Variants in KCNAB1 observed in about 807,000 individuals in gnomAD.
The protein encoded by KCNAB1 is potassium voltage-gated channel subfamily A regulatory beta subunit 1.
In KCNAB1, 35 loss-of-function variants were observed where a neutral mutation model predicts 64.6. The ratio of observed to expected loss-of-function variants is 0.54; its 90% CI spans 0.41 to 0.72. The LOEUF (loss-of-function observed/expected upper bound fraction) is 0.72. Among genes scored for constraint, KCNAB1 ranks in the 30% least tolerant of loss-of-function variants. KCNAB1 has a pLI of 0.00. For synonymous variants in KCNAB1, 177 were observed against 183.8 expected, an observed-to-expected ratio of 0.96 and a Z score of 0.30; for missense variants, 401 against 512.9, an observed-to-expected ratio of 0.78 and a Z score of 2.11.
At chr3:156,120,946 A>G (rs2108249785) in intron 1 of KCNAB1, 60 bp downstream of exon 1, 1 of 1,578,372 alleles carries the variant, frequency 6.3e-7, no homozygotes, top group Non-Finnish European at 8.6e-7. Context: ...GCTCTGGAGA[A>G]TGCTTTGATT....
At chr3:156,196,325 G>A (rs80044713) in intron 1 of KCNAB1, among the ~76,000 whole-genome samples, 1 of 152,144 alleles carries the variant, frequency 6.6e-6, no homozygotes, top group Non-Finnish European at 1.5e-5. Context: ...ATTTAAAGTA[G>A]TTTTTTCAAG....
chr3:156,480,708 C>T (rs1714731436), intron 8 of KCNAB1, among the ~76,000 whole-genome samples: 1 of 151,876 alleles, frequency 6.6e-6, no homozygotes, highest in Non-Finnish European at 1.5e-5. Context: ...CAGTTGTGTA[C>T]ACCCTAATTT....
At chr3:156,177,863 G>A (rs979252019) in intron 1 of KCNAB1, among the ~76,000 whole-genome samples, 1 of 151,708 alleles carries the variant, frequency 6.6e-6, no homozygotes, top group Non-Finnish European at 1.5e-5. Context: ...TCAGCCTCCC[G>A]AGTAGCTGGG....
intron 1 of KCNAB1, among the ~76,000 whole-genome samples, chr3:156,216,644 A>C (rs1023593413): frequency 1.3e-5 from 2 of 152,176 alleles, no homozygotes; most frequent in Non-Finnish European, 2.9e-5. Flanking sequence ...CTGGGGGAAG[A>C]TAGGGTGGGA....
intron 8 of KCNAB1, among the ~76,000 whole-genome samples, chr3:156,480,761 G>T (rs1217342398): frequency 1.3e-5 from 2 of 151,956 alleles, no homozygotes; most frequent in Non-Finnish European, 2.9e-5. Flanking sequence ...TTTTAATTAG[G>T]ATCAGCCACA....
intron 1 of KCNAB1, among the ~76,000 whole-genome samples, chr3:156,329,357 G>T (rs13317606): frequency 0.11 from 16,535 of 152,104 alleles, 2,865 homozygotes; most frequent in African/African-American, 0.37. Context: ...GGGCAGGGGT[G>T]GGGGAGCAGG....
upstream of KCNAB1, among the ~76,000 whole-genome samples, chr3:156,119,760 T>G (rs1713235233): frequency 6.6e-6 from 1 of 152,164 alleles, no homozygotes; most frequent in African/African-American, 2.4e-5. Flanking sequence ...GTCAACCCCA[T>G]GCATCTTAAC....
At chr3:156,446,865 A>G (rs1711605628) in intron 2 of KCNAB1, 2 of 152,254 alleles carry the variant, frequency 1.3e-5, no homozygotes, top group South Asian at 4.1e-4. Context: ...ACAATAGCAG[A>G]GTGTTCCTTT....
chr3:156,261,125 C>G (rs369026075), intron 1 of KCNAB1, among the ~76,000 whole-genome samples: 1 of 152,128 alleles, frequency 6.6e-6, no homozygotes, highest in African/African-American at 2.4e-5. Flanking sequence ...TATTAGTATT[C>G]TCCATGCATT....
chr3:156,236,388 A>G (rs1716852172), intron 1 of KCNAB1, among the ~76,000 whole-genome samples: 1 of 152,152 alleles, frequency 6.6e-6, no homozygotes, highest in South Asian at 2.1e-4. Flanking sequence ...AAGAACATGG[A>G]TTCTGAAGCT....
At chr3:156,322,760 C>G (rs911306160) in intron 1 of KCNAB1, among the ~76,000 whole-genome samples, 1 of 152,138 alleles carries the variant, frequency 6.6e-6, no homozygotes, top group African/African-American at 2.4e-5. Context: ...TTTAACAGAA[C>G]CACTGGTTTC....
chr3:156,158,354 G>C (rs1715879469), intron 1 of KCNAB1, among the ~76,000 whole-genome samples: 1 of 151,942 alleles, frequency 6.6e-6, no homozygotes, highest in African/African-American at 2.4e-5. Context: ...AACAAGTGTT[G>C]GGATTCGTTA....
chr3:156,165,277 C>CAAAAAAAAAA (rs35419424), intron 1 of KCNAB1, among the ~76,000 whole-genome samples: 2 of 27,136 alleles, frequency 7.4e-5, no homozygotes, highest in African/African-American at 1.0e-4. Context: ...GACTCCGTCT[C>CAAAAAAAAAA]AAAAAAAAAA....
chr3:156,179,231 G>T (rs921321755), intron 1 of KCNAB1, among the ~76,000 whole-genome samples: 2 of 151,872 alleles, frequency 1.3e-5, no homozygotes, highest in African/African-American at 4.8e-5. Flanking sequence ...TTTCAAAATA[G>T]TAAAGATTTA....
intron 1 of KCNAB1, among the ~76,000 whole-genome samples, chr3:156,149,893 A>G (rs547414929): frequency 1.3e-5 from 2 of 152,294 alleles, no homozygotes; most frequent in East Asian, 1.9e-4. Context: ...TGCCCTTTTC[A>G]TGAGACACTT....
intron 12 of KCNAB1, among the ~76,000 whole-genome samples, chr3:156,530,330 T>C (rs1482829659): frequency 5.9e-5 from 9 of 152,160 alleles, no homozygotes; most frequent in Non-Finnish European, 1.3e-4. Context: ...ATGTGGATGC[T>C]TATGCAGCAG....
chr3:156,193,312 GT>G (rs969828603), intron 1 of KCNAB1, among the ~76,000 whole-genome samples: 25 of 152,064 alleles, frequency 1.6e-4, no homozygotes, highest in African/African-American at 6.0e-4. Flanking sequence ...CAACCATTCT[GT>G]TTTTCACTTT....
rs773771138 is a variant in KCNAB1 at position 156,484,301 on chromosome 3, A to G, written c.658+9481A>G. Among the ~76,000 whole-genome samples, 82 of 152,254 alleles carry G rather than the reference A, an allele frequency of 5.4e-4. 1 individual carries two copies. The highest frequency in any genetic ancestry group is 2.7e-3 in the Admixed American group (42 of 15,280). On this transcript the variant is annotated intron_variant, in intron 8 of 13. Transcript: ENST00000490337. The stretch of plus-strand genomic sequence containing the variant: ...TTCTCACAACAAGTCTGTGGACTTC[A>G]CCAAGCTCCAAAAGGATGCTTTTTT...
chr3:156,282,518 C>G (rs1450568458), intron 1 of KCNAB1, among the ~76,000 whole-genome samples: 1 of 150,488 alleles, frequency 6.6e-6, no homozygotes, highest in Non-Finnish European at 1.5e-5. Context: ...TCCTGGGTAT[C>G]CTTGTTGACT....
Sources: gnomAD v4.1 joint callset for allele counts (sites outside exome capture counted in the v4.1 genomes callset) on GRCh38, gnomAD v4.1.1 for gene constraint, MANE v1.5 for transcripts, NCBI Gene and HGNC (gene_info 2026-07-23, HGNC 2026-07-21) for gene names.